Variants in PACRG observed in about 807,000 individuals in gnomAD.
PACRG encodes parkin coregulated, also known as parkin coregulated gene protein.
Under a neutral mutation model 29.7 loss-of-function variants are expected in PACRG, and 29 were observed. That is an observed-to-expected ratio of 0.98 (90% CI 0.73 to 1.33). The LOEUF is 1.33. Among genes scored for constraint, PACRG ranks in the 40% most tolerant of loss-of-function variants. The pLI is 0.00. For missense variants in PACRG, 279 were observed against 316.2 expected (o/e 0.88, Z 0.89); for synonymous variants, 116 against 118.7 (o/e 0.98, Z 0.15).
intron 1 of PACRG, among the ~76,000 whole-genome samples, chr6:162,760,382 A>T (rs1782253804): frequency 6.6e-6 from 1 of 152,168 alleles, no homozygotes; most frequent in Non-Finnish European, 1.5e-5. Context: ...TTTCAGGCTG[A>T]CTGAAGCACC....
intron 2 of PACRG, among the ~76,000 whole-genome samples, chr6:162,948,268 A>G (rs1208165354): frequency 6.6e-6 from 1 of 152,164 alleles, no homozygotes; most frequent in African/African-American, 2.4e-5. Context: ...GATTTTTGAC[A>G]TAGGTGCCAA....
At chr6:163,161,213 T>A (rs1778542113) in intron 4 of PACRG, among the ~76,000 whole-genome samples, 1 of 152,212 alleles carries the variant, frequency 6.6e-6, no homozygotes, top group African/African-American at 2.4e-5. Context: ...CAGTCTTACC[T>A]ACTGTCTCCA....
In PACRG at chr6:163,290,269, C is replaced by CGT. The variant is rs1441801999; in HGVS notation, c.614-24557_614-24556insTG. 4.4e-4 allele frequency among the ~76,000 whole-genome samples: 43 copies of CGT among 98,284 alleles called. 2 individuals carry two copies. In the South Asian group the frequency reaches 0.014, roughly 31 times the overall value. The allele number at this position is 98,284 out of a possible 152,430, so 64.5% of individuals were successfully genotyped here. A position where few individuals can be genotyped will look rare whatever the true frequency, so the allele number is the denominator to read the frequency against. On this transcript the variant is annotated intron_variant, in intron 4 of 4. Transcript: ENST00000366888. The stretch of plus-strand genomic sequence containing the variant: ...TCATACGCACATGTGCGCATGCACG[C>CGT]GCGCGCGCGCACACACACACACACA...
chr6:162,870,481 A>C (rs1410711334), intron 2 of PACRG, among the ~76,000 whole-genome samples: 2 of 152,086 alleles, frequency 1.3e-5, no homozygotes, highest in Admixed American at 6.5e-5. Context: ...CTACATGAGT[A>C]AGGTCTTTAG....
chr6:163,091,265 G>T (rs754324506), intron 4 of PACRG, among the ~76,000 whole-genome samples: 5 of 152,344 alleles, frequency 3.3e-5, no homozygotes, highest in Non-Finnish European at 4.4e-5. Context: ...GATAAATCTT[G>T]TTGGGAGCTC....
At chr6:162,877,616 T>A (rs1793480136) in intron 2 of PACRG, among the ~76,000 whole-genome samples, 1 of 151,892 alleles carries the variant, frequency 6.6e-6, no homozygotes. Context: ...AGGAAAATAT[T>A]TTCCAAAATA....
chr6:162,820,647 T>A (rs1043253391), intron 2 of PACRG, among the ~76,000 whole-genome samples: 10 of 152,060 alleles, frequency 6.6e-5, no homozygotes, highest in East Asian at 1.9e-4. Context: ...TTAAGGATTT[T>A]AAAAAAATAA....
chr6:163,280,983 A>C (rs1784207590), intron 4 of PACRG, among the ~76,000 whole-genome samples: 2 of 152,262 alleles, frequency 1.3e-5, no homozygotes, highest in East Asian at 3.9e-4. Context: ...CAAGGAGGGA[A>C]TGGAAGAGAA....
chr6:162,774,428 G>A (rs1171781562), intron 1 of PACRG, among the ~76,000 whole-genome samples: 1 of 152,158 alleles, frequency 6.6e-6, no homozygotes, highest in Non-Finnish European at 1.5e-5. Flanking sequence ...TAGTTAACAG[G>A]AAAAATGATA....
At chr6:162,755,850 A>T (rs1050390132) in intron 1 of PACRG, among the ~76,000 whole-genome samples, 2 of 151,852 alleles carry the variant, frequency 1.3e-5, no homozygotes, top group Non-Finnish European at 2.9e-5. Context: ...TTTGTCTCAA[A>T]CATTTGTCAC....
chr6:163,294,562 A>C (rs1387716482), intron 4 of PACRG, among the ~76,000 whole-genome samples: 1 of 152,242 alleles, frequency 6.6e-6, no homozygotes. Flanking sequence ...ATTTTTAAGG[A>C]TCAGTTAGGA....
intron 2 of PACRG, among the ~76,000 whole-genome samples, chr6:163,041,154 G>C (rs1808664408): frequency 6.6e-6 from 1 of 152,096 alleles, no homozygotes; most frequent in Admixed American, 6.6e-5. Context: ...CAGCTAACAT[G>C]GTGAAACCCC....
rs897302386 is a variant in PACRG, at chr6:162,959,301, C to T, written c.292-102849C>T. On this transcript the variant is annotated intron_variant, in intron 2 of 4. Transcript: ENST00000366888. Reference sequence around the variant, plus strand: ...TGGGAAGGGGGATAAGGAGTAGGGCCGGGGATGGGAACTTGTATAACTAGA... The same window carrying T: ...TGGGAAGGGGGATAAGGAGTAGGGCTGGGGATGGGAACTTGTATAACTAGA... Among the ~76,000 whole-genome samples, 10 of 151,762 alleles carry T rather than the reference C, an allele frequency of 6.6e-5. No homozygotes were observed. The East Asian group carries it at 9.7e-4, about 15-fold the overall frequency.
chr6:163,171,768 T>C (rs1273361842), intron 4 of PACRG, among the ~76,000 whole-genome samples: 1 of 152,038 alleles, frequency 6.6e-6, no homozygotes, highest in Non-Finnish European at 1.5e-5. Context: ...AAAACAACTG[T>C]CTCCTCCCTG....
At chr6:162,787,535 G>T (rs1364336952) in intron 1 of PACRG, among the ~76,000 whole-genome samples, 2 of 140,410 alleles carry the variant, frequency 1.4e-5, no homozygotes, top group African/African-American at 2.7e-5. Flanking sequence ...GTGTGTGTGT[G>T]TTTGTGTATA....
At chr6:162,796,085 C>T (rs1450116989) in intron 1 of PACRG, among the ~76,000 whole-genome samples, 3 of 152,062 alleles carry the variant, frequency 2.0e-5, no homozygotes, top group Admixed American at 6.6e-5. Context: ...ATTGTACTGG[C>T]TAGTGCCTCC....
intron 1 of PACRG, among the ~76,000 whole-genome samples, chr6:162,787,598 A>ATATATC: frequency 7.3e-6 from 1 of 136,928 alleles, no homozygotes; most frequent in African/African-American, 2.7e-5. Flanking sequence ...ATATATATAT[A>ATATATC]TATATATATA....
At chr6:163,133,173 C>T (rs976243828) in intron 4 of PACRG, among the ~76,000 whole-genome samples, 2 of 152,118 alleles carry the variant, frequency 1.3e-5, no homozygotes, top group African/African-American at 4.8e-5. Flanking sequence ...ATTCTAGTCA[C>T]AAGGTTGATG....
At chr6:162,906,042 AAG>A (rs1194976721) in intron 2 of PACRG, among the ~76,000 whole-genome samples, 2 of 152,130 alleles carry the variant, frequency 1.3e-5, no homozygotes, top group African/African-American at 4.8e-5. Flanking sequence ...TACAGAAAAA[AAG>A]GGGGGGAAAG....
Sources: allele counts gnomAD v4.1 joint callset (sites outside exome capture counted in the v4.1 genomes callset), GRCh38; gene constraint gnomAD v4.1.1; transcripts MANE v1.5; gene names NCBI Gene and HGNC (gene_info 2026-07-23, HGNC 2026-07-21).